Variants in PARD3 observed in about 807,000 individuals in gnomAD.
PARD3 encodes the protein par-3 family cell polarity regulator, also known as partitioning defective 3 homolog.
In PARD3, 75 loss-of-function variants were observed where a neutral mutation model predicts 155.4. The ratio of observed to expected loss-of-function variants is 0.48; its 90% CI spans 0.40 to 0.58. The LOEUF is 0.58. PARD3 is among the 20% of genes least tolerant of loss of function. PARD3 has a pLI of 0.00. For missense variants in PARD3, 1,642 were observed against 1,721.7 expected (o/e 0.95, Z 0.82); for synonymous variants, 576 against 610.5 (o/e 0.94, Z 0.83).
intron 22 of PARD3, among the ~76,000 whole-genome samples, chr10:34,158,246 AAG>A (rs1167135878): frequency 3.3e-5 from 5 of 152,056 alleles, no homozygotes; most frequent in Non-Finnish European, 4.4e-5. Context: ...AAAACCACAA[AAG>A]AGAGAGAGAG....
At chr10:34,683,859 T>C (rs942431) in intron 2 of PARD3, among the ~76,000 whole-genome samples, 45,322 of 152,068 alleles carry the variant, frequency 0.3, 6,866 homozygotes, top group South Asian at 0.37. Context: ...CTCCCACAAA[T>C]TGATGAACTG....
intron 16 of PARD3, 79 bp from the exon 17 acceptor site, chr10:34,337,505 T>G: frequency 1.3e-6 from 1 of 787,970 alleles, no homozygotes. Context: ...CATACATACC[T>G]GCAAGTGTAA....
chr10:34,285,225 C>A (rs1206372382), intron 20 of PARD3, among the ~76,000 whole-genome samples: 1 of 152,124 alleles, frequency 6.6e-6, no homozygotes, highest in East Asian at 1.9e-4. Flanking sequence ...GTATTTCTTT[C>A]TGAAGAATAA....
Position 34,239,995 on chromosome 10 carries a change from A to G in PARD3, c.3419+29662T>C, listed in dbSNP as rs181169291. On this transcript the variant is annotated intron_variant, in intron 22 of 24. Coordinates refer to ENST00000374788, the MANE Select transcript of PARD3 (RefSeq NM_001184785.2). ...TACAAGATAGTAGGAAATTGGATAA[A>G]CAGAAGCAGCAGCTAACAATCACTG... Among the ~76,000 whole-genome samples, 274 of 152,282 alleles carry G rather than the reference A, an allele frequency of 1.8e-3. 4 individuals are homozygous for G. The highest frequency in any genetic ancestry group is 1.1e-3 in the Non-Finnish European group (77 of 68,016).
rs142145872 is a variant in PARD3 at position 34,529,547 on chromosome 10, T to C, written c.223-12388A>G. 6.6e-4 allele frequency among the ~76,000 whole-genome samples: 101 copies of C among 152,276 alleles called. 1 individual carries two copies. Among genetic ancestry groups the C allele is most frequent in the African/African-American group, 2.4e-3 (98 of 41,546 alleles). ...CCCCCACACAGTCGAAATCTGAGTA[T>C]AACTTTTGACTCACCAAAAACTTAA... On this transcript the variant is annotated intron_variant, in intron 2 of 24. Transcript: ENST00000374788.
chr10:34,207,590 A>G (rs549717674), intron 22 of PARD3, among the ~76,000 whole-genome samples: 1 of 152,314 alleles, frequency 6.6e-6, no homozygotes, highest in Admixed American at 6.5e-5. Flanking sequence ...TACACAAATA[A>G]GGCACAGAAT....
rs1044450117 is a variant in PARD3, at chr10:34,250,855, A to G, written c.3419+18802T>C. On this transcript the variant is annotated intron_variant, in intron 22 of 24. Transcript: ENST00000374788. ...TAAATATATCATACAGCTATTGAAG[A>G]CGGCCTTATCATTCCCCTCCACACT... 7.9e-5 allele frequency among the ~76,000 whole-genome samples: 12 copies of G among 152,296 alleles called. 1 individual carries two copies. In the South Asian group the frequency reaches 2.5e-3, roughly 32 times the overall value.
intron 19 of PARD3, among the ~76,000 whole-genome samples, chr10:34,325,017 T>A (rs1958603704): frequency 6.6e-6 from 1 of 152,156 alleles, no homozygotes; most frequent in Non-Finnish European, 1.5e-5. Context: ...GCTGTCTACA[T>A]CTTTTTTTTT....
At chr10:34,311,057 G>A (rs1290667394) in intron 20 of PARD3, among the ~76,000 whole-genome samples, 3 of 152,096 alleles carry the variant, frequency 2.0e-5, no homozygotes, top group Non-Finnish European at 4.4e-5. Flanking sequence ...TGGCAATTAG[G>A]TCCAAGTCAT....
chr10:34,387,403 T>C (rs1842459950), intron 7 of PARD3, among the ~76,000 whole-genome samples: 1 of 152,172 alleles, frequency 6.6e-6, no homozygotes, highest in African/African-American at 2.4e-5. Flanking sequence ...CAGTGTAACT[T>C]ATAAATCCTT....
chr10:34,534,773 G>A (rs1026350672), intron 2 of PARD3, among the ~76,000 whole-genome samples: 9 of 152,160 alleles, frequency 5.9e-5, no homozygotes, highest in African/African-American at 2.2e-4. Flanking sequence ...CACTTTGGGA[G>A]GCCGAGGTTG....
intron 1 of PARD3, among the ~76,000 whole-genome samples, chr10:34,801,462 G>T (rs926498143): frequency 6.6e-6 from 1 of 152,170 alleles, no homozygotes; most frequent in Non-Finnish European, 1.5e-5. Context: ...ACGGATGAGA[G>T]GAGGTAGTCC....
At chr10:34,596,565 G>A (rs2089280643) in intron 2 of PARD3, among the ~76,000 whole-genome samples, 2 of 152,134 alleles carry the variant, frequency 1.3e-5, no homozygotes, top group South Asian at 4.1e-4. Context: ...ACTATCACAA[G>A]AACAGCATAG....
chr10:34,794,579 T>C (rs1842047021), intron 1 of PARD3, among the ~76,000 whole-genome samples: 1 of 152,192 alleles, frequency 6.6e-6, no homozygotes, highest in African/African-American at 2.4e-5. Flanking sequence ...TTGGGGGTAC[T>C]ACTGCTTATG....
At chr10:34,769,508 C>T (rs922083277) in intron 1 of PARD3, among the ~76,000 whole-genome samples, 1 of 151,974 alleles carries the variant, frequency 6.6e-6, no homozygotes, top group African/African-American at 2.4e-5. Flanking sequence ...TACCTCCCGG[C>T]ACTTTGGGAG....
chr10:34,698,231 T>C (rs970877470), intron 1 of PARD3, among the ~76,000 whole-genome samples: 9 of 152,366 alleles, frequency 5.9e-5, no homozygotes, highest in East Asian at 3.9e-4. Context: ...GATCATTATC[T>C]GCAGCCTTTA....
chr10:34,648,051 T>C (rs1399404089), intron 2 of PARD3, among the ~76,000 whole-genome samples: 2 of 152,190 alleles, frequency 1.3e-5, no homozygotes, highest in South Asian at 2.1e-4. Context: ...TACTCAGGAA[T>C]CTGTTTATAA....
intron 3 of PARD3, among the ~76,000 whole-genome samples, chr10:34,473,303 G>A (rs2078481264): frequency 6.6e-6 from 1 of 152,102 alleles, no homozygotes; most frequent in South Asian, 2.1e-4. Flanking sequence ...AATTTCAGGT[G>A]CCACGTTTAC....
At chr10:34,240,571 C>CA (rs1419327678) in intron 22 of PARD3, among the ~76,000 whole-genome samples, 1 of 152,114 alleles carries the variant, frequency 6.6e-6, no homozygotes, top group East Asian at 1.9e-4. Context: ...AAATCTTTGA[C>CA]AGACAGGCTT....
Sources: gnomAD v4.1 joint callset for allele counts (sites outside exome capture counted in the v4.1 genomes callset) on GRCh38, gnomAD v4.1.1 for gene constraint, MANE v1.5 for transcripts, NCBI Gene and HGNC (gene_info 2026-07-23, HGNC 2026-07-21) for gene names.